Variants in MGAT4C observed in about 807,000 individuals in gnomAD.
MGAT4C encodes alpha-1,3-mannosyl-glycoprotein 4-beta-N-acetylglucosaminyltransferase C.
Under a neutral mutation model 40.1 loss-of-function variants are expected in MGAT4C, and 19 were observed. The observed-to-expected ratio is 0.47, with a 90% CI of 0.33 to 0.70. The LOEUF is 0.70. Among genes scored for constraint, MGAT4C ranks in the 30% least tolerant of loss-of-function variants. MGAT4C has a pLI of 0.02. For missense variants in MGAT4C, 491 were observed against 563.2 expected (o/e 0.87, Z 1.30); for synonymous variants, 181 against 187.1 (o/e 0.97, Z 0.27).
chr12:86,577,410 T>G (rs61950822), intron 2 of MGAT4C, among the ~76,000 whole-genome samples: 4,059 of 151,962 alleles, frequency 0.027, 87 homozygotes, highest in Admixed American at 0.043. Flanking sequence ...GCTTTCAGTT[T>G]TTCCCCTTTC....
At chr12:86,696,918 A>G (rs1273251234) in intron 2 of MGAT4C, among the ~76,000 whole-genome samples, 1 of 152,070 alleles carries the variant, frequency 6.6e-6, no homozygotes, top group African/African-American at 2.4e-5. Context: ...AGACAAATAA[A>G]CATTAGAAGA....
chr12:86,566,670 T>C (rs908521381), intron 2 of MGAT4C, among the ~76,000 whole-genome samples: 6 of 145,644 alleles, frequency 4.1e-5, no homozygotes, highest in Non-Finnish European at 7.5e-5. Context: ...TATATGTATG[T>C]ATAATACATA....
chr12:85,976,121 C>G lies in MGAT4C; in HGVS notation c.*3168G>C, dbSNP rs913340326. 1 of 150,936 alleles carries G rather than the reference C, an allele frequency of 6.6e-6. No individual in the cohort carries two copies. The highest frequency in any genetic ancestry group is 1.5e-5 in the Non-Finnish European group (1 of 67,186). The allele number at this position is 150,936 out of a possible 1,614,324, so 9.3% of individuals were successfully genotyped here. A position where few individuals can be genotyped will look rare whatever the true frequency, so the allele number is the denominator to read the frequency against. ...TTTTTTATATAATTATTATACAGAA[C>G]AGTTTTTCTATGATAGCATTATAAA... On this transcript the variant is annotated 3_prime_UTR_variant, in exon 5 of 5. Coordinates refer to ENST00000611864, the MANE Select transcript of MGAT4C (RefSeq NM_001351288.2).
intron 1 of MGAT4C, among the ~76,000 whole-genome samples, chr12:86,211,648 T>C (rs184485292): frequency 0.021 from 3,221 of 152,060 alleles, 97 homozygotes; most frequent in African/African-American, 0.073. Context: ...AGATTACAGC[T>C]ATTTCCAATC....
intron 2 of MGAT4C, among the ~76,000 whole-genome samples, chr12:86,654,513 C>A (rs1361351478): frequency 1.3e-5 from 2 of 151,798 alleles, no homozygotes; most frequent in Non-Finnish European, 1.5e-5. Context: ...AAAGAAAAAT[C>A]AAATTTTCTA....
chr12:86,264,924 G>T (rs1592615272), intron 4 of MGAT4C, among the ~76,000 whole-genome samples: 1 of 152,196 alleles, frequency 6.6e-6, no homozygotes. Flanking sequence ...CTGGATTTTG[G>T]GCACTGACGA....
At chr12:86,261,176 T>C (rs75532296), upstream of MGAT4C, among the ~76,000 whole-genome samples, 1,162 of 152,236 alleles carry the variant, frequency 7.6e-3, 21 homozygotes, top group African/African-American at 0.027. Context: ...TCATTAAACA[T>C]GTATTGAATT....
chr12:86,347,623 T>C (rs115939536), intron 3 of MGAT4C, among the ~76,000 whole-genome samples: 1 of 152,288 alleles, frequency 6.6e-6, no homozygotes, highest in South Asian at 2.1e-4. Flanking sequence ...CATTTTCATA[T>C]TTAAGTACTT....
At chr12:86,034,445 G>A (rs1219859812) in intron 2 of MGAT4C, among the ~76,000 whole-genome samples, 1 of 149,004 alleles carries the variant, frequency 6.7e-6, no homozygotes, top group African/African-American at 2.4e-5. Flanking sequence ...TGGTCTCCAG[G>A]GATTCACTTT....
At chr12:86,384,144 C>T (rs1466405087) in intron 3 of MGAT4C, among the ~76,000 whole-genome samples, 3 of 152,192 alleles carry the variant, frequency 2.0e-5, no homozygotes, top group Non-Finnish European at 4.4e-5. Flanking sequence ...TTCCCAGCCA[C>T]GTGGAACTGT....
chr12:86,487,560 A>C (rs1204656769), intron 2 of MGAT4C, among the ~76,000 whole-genome samples: 1 of 152,200 alleles, frequency 6.6e-6, no homozygotes, highest in East Asian at 1.9e-4. Context: ...TGATTTTCTT[A>C]GAGCTGAAGA....
chr12:86,765,358 G>C (rs1203046650), intron 1 of MGAT4C, among the ~76,000 whole-genome samples: 3 of 152,076 alleles, frequency 2.0e-5, no homozygotes, highest in Admixed American at 1.3e-4. Flanking sequence ...AAGAAATATG[G>C]GACTATGTGA....
rs75980846 is a variant in MGAT4C, at chr12:86,709,775, G to A, written c.-229+17434C>T. On this transcript the variant is annotated intron_variant, in intron 2 of 7. Coordinates refer to the MGAT4C transcript ENST00000548651. ...CTGAATCACTAAAGGGACCTTGAGA[G>A]TCTCATAGACCTAATTATAATCACC... Among the ~76,000 whole-genome samples the A allele has an allele frequency of 8.6e-3, 1,307 of 152,162 alleles. 7 individuals carry two copies. Among genetic ancestry groups the A allele is most frequent in the Middle Eastern group, 0.017 (5 of 294 alleles).
chr12:86,538,609 T>TC, intron 2 of MGAT4C, among the ~76,000 whole-genome samples: 1 of 10,012 alleles, frequency 1.0e-4, no homozygotes, highest in Non-Finnish European at 9.3e-4. Context: ...GTAATACTTC[T>TC]TTTTTTTTTT....
intron 1 of MGAT4C, among the ~76,000 whole-genome samples, chr12:86,741,278 G>T (rs1951065009): frequency 6.6e-6 from 1 of 151,076 alleles, no homozygotes; most frequent in Non-Finnish European, 1.5e-5. Flanking sequence ...TTAAAATAAA[G>T]ACATTTAAAA....
chr12:86,765,556 C>T (rs913048641), intron 1 of MGAT4C, among the ~76,000 whole-genome samples: 1 of 152,066 alleles, frequency 6.6e-6, no homozygotes, highest in African/African-American at 2.4e-5. Flanking sequence ...CTCCAAGACA[C>T]ATAATTGTCA....
At chr12:86,816,544 C>T (rs1952610837) in intron 1 of MGAT4C, among the ~76,000 whole-genome samples, 1 of 151,446 alleles carries the variant, frequency 6.6e-6, no homozygotes. Flanking sequence ...GGTTACGTAC[C>T]AGCAAAATTA....
intron 1 of MGAT4C, among the ~76,000 whole-genome samples, chr12:86,786,980 A>C (rs1951940851): frequency 6.6e-6 from 1 of 152,152 alleles, no homozygotes; most frequent in Non-Finnish European, 1.5e-5. Context: ...TGTAAGCTTC[A>C]GGCCCATCAA....
At chr12:86,361,262 C>T (rs1490814285) in intron 3 of MGAT4C, among the ~76,000 whole-genome samples, 1 of 152,112 alleles carries the variant, frequency 6.6e-6, no homozygotes, top group Non-Finnish European at 1.5e-5. Flanking sequence ...ATAAATGGTG[C>T]TGGGAATACT....
Sources: gnomAD v4.1 joint callset for allele counts (sites outside exome capture counted in the v4.1 genomes callset) on GRCh38, gnomAD v4.1.1 for gene constraint, MANE v1.5 for transcripts, NCBI Gene and HGNC (gene_info 2026-07-23, HGNC 2026-07-21) for gene names.